The following ADK variants were observed in gnomAD, a reference collection of about 807,000 sequenced individuals.
ADK encodes adenosine kinase.
In ADK, 24 loss-of-function variants were observed where a neutral mutation model predicts 44.7. That is an observed-to-expected ratio of 0.54 (90% CI 0.39 to 0.76). The LOEUF (loss-of-function observed/expected upper bound fraction) is 0.76, where lower values mean the gene tolerates loss of function less well. Ranked by LOEUF, ADK falls within the 30% of genes least tolerant of loss-of-function variation. The probability of loss-of-function intolerance (pLI) is 0.00; values close to 1 mark genes in which losing one functional copy is unlikely to be tolerated. For synonymous variants in ADK, 128 were observed against 142.6 expected (o/e 0.90, Z 0.73); for missense variants, 321 against 425.1 (o/e 0.76, Z 2.15).
intron 4 of ADK, among the ~76,000 whole-genome samples, chr10:74,349,777 A>G (rs995931385): frequency 5.3e-5 from 8 of 152,218 alleles, no homozygotes; most frequent in African/African-American, 1.9e-4. Flanking sequence ...CTAGTCTCTG[A>G]TAAAACAGGC....
intron 4 of ADK, among the ~76,000 whole-genome samples, chr10:74,346,731 C>T (rs1374852990): frequency 6.6e-6 from 1 of 152,078 alleles, no homozygotes; most frequent in African/African-American, 2.4e-5. Context: ...AGTGCCACGA[C>T]AGTTCCATAA....
intron 9 of ADK, among the ~76,000 whole-genome samples, chr10:74,647,902 G>C (rs923798489): frequency 6.6e-6 from 1 of 152,114 alleles, no homozygotes; most frequent in East Asian, 1.9e-4. Context: ...TCATAGGTTT[G>C]TGTATTTAAT....
At chr10:74,349,161 A>G (rs1841875795) in intron 4 of ADK, among the ~76,000 whole-genome samples, 1 of 152,234 alleles carries the variant, frequency 6.6e-6, no homozygotes, top group Non-Finnish European at 1.5e-5. Flanking sequence ...GGGCAGCCAT[A>G]GAGAAAGGTC....
chr10:74,550,493 A>G (rs1391704179), intron 7 of ADK, among the ~76,000 whole-genome samples: 1 of 152,174 alleles, frequency 6.6e-6, no homozygotes, highest in Admixed American at 6.5e-5. Context: ...TTATTACAGT[A>G]GTCTCATAAT....
At chr10:74,440,458 T>C (rs1346777560) in intron 6 of ADK, among the ~76,000 whole-genome samples, 1 of 152,160 alleles carries the variant, frequency 6.6e-6, no homozygotes, top group Non-Finnish European at 1.5e-5. Flanking sequence ...CCTTTTATAC[T>C]TGAAAAGAAC....
intron 3 of ADK, among the ~76,000 whole-genome samples, chr10:74,259,456 CTT>C (rs66533506): frequency 9.5e-4 from 101 of 106,170 alleles, no homozygotes; most frequent in Non-Finnish European, 1.4e-3. Context: ...TTTTCTTTTC[CTT>C]TTTTTTTTTT....
At chr10:74,644,370 G>A (rs1055628355) in intron 9 of ADK, among the ~76,000 whole-genome samples, 40 of 152,286 alleles carry the variant, frequency 2.6e-4, no homozygotes, top group African/African-American at 7.0e-4. Flanking sequence ...CAATGGATAC[G>A]GTGTACAGTG....
At chr10:74,456,523 C>T (rs567034028) in intron 6 of ADK, among the ~76,000 whole-genome samples, 1 of 151,716 alleles carries the variant, frequency 6.6e-6, no homozygotes, top group East Asian at 1.9e-4. Context: ...AAAAATTAGC[C>T]GGGCGTGATG....
chr10:74,296,402 CAT>C (rs1355350537), intron 3 of ADK, among the ~76,000 whole-genome samples: 3 of 152,020 alleles, frequency 2.0e-5, no homozygotes, highest in African/African-American at 4.8e-5. Context: ...GGCAGTAAAA[CAT>C]ATGAAAGGAT....
chr10:74,337,303 A>T (rs1023262699), intron 4 of ADK, among the ~76,000 whole-genome samples: 1 of 152,212 alleles, frequency 6.6e-6, no homozygotes, highest in Non-Finnish European at 1.5e-5. Flanking sequence ...GGACTAACTC[A>T]CCTGAAGTGT....
chr10:74,616,892 TG>T (rs1255708069), intron 9 of ADK, among the ~76,000 whole-genome samples: 2 of 152,140 alleles, frequency 1.3e-5, no homozygotes, highest in Non-Finnish European at 2.9e-5. Context: ...TTTCTCAGGA[TG>T]TTTTTTTCTT....
At chr10:74,440,511 G>T (rs1160697740) in intron 6 of ADK, among the ~76,000 whole-genome samples, 2 of 152,022 alleles carry the variant, frequency 1.3e-5, no homozygotes, top group South Asian at 2.1e-4. Flanking sequence ...AATAAATTAA[G>T]TTAGGCTTTA....
At chr10:74,232,313 G>A (rs927451228) in intron 3 of ADK, among the ~76,000 whole-genome samples, 2 of 152,046 alleles carry the variant, frequency 1.3e-5, no homozygotes, top group African/African-American at 4.8e-5. Flanking sequence ...GAGCTCAGGA[G>A]TTTGAAACCA....
At chr10:74,207,319 C>G (rs1843642750) in intron 2 of ADK, among the ~76,000 whole-genome samples, 2 of 152,170 alleles carry the variant, frequency 1.3e-5, no homozygotes, top group African/African-American at 4.8e-5. Context: ...AGGGCTGCAG[C>G]TCTTCTTTCC....
chr10:74,395,903 CG>C (rs1167219197), intron 5 of ADK, among the ~76,000 whole-genome samples: 1 of 151,898 alleles, frequency 6.6e-6, no homozygotes, highest in Non-Finnish European at 1.5e-5. Flanking sequence ...CCCAGCTACT[CG>C]GGAGACGAAA....
intron 6 of ADK, among the ~76,000 whole-genome samples, chr10:74,464,914 A>T (rs1846299526): frequency 6.6e-6 from 1 of 152,156 alleles, no homozygotes. Flanking sequence ...GCTGCTTTGC[A>T]TGGTTAATTT....
chr10:74,257,299 A>G (rs958193199), intron 3 of ADK, among the ~76,000 whole-genome samples: 1 of 152,156 alleles, frequency 6.6e-6, no homozygotes, highest in Non-Finnish European at 1.5e-5. Context: ...TGTATTTTCA[A>G]TCCACATTTG....
intron 6 of ADK, among the ~76,000 whole-genome samples, chr10:74,504,235 T>C (rs1276760049): frequency 2.0e-5 from 3 of 152,176 alleles, no homozygotes; most frequent in Non-Finnish European, 2.9e-5. Context: ...TTGTTGTTTT[T>C]TTTTTAATAT....
chr10:74,682,575 C>CTTTTT (rs11298231), intron 10 of ADK, among the ~76,000 whole-genome samples: 6 of 133,026 alleles, frequency 4.5e-5, no homozygotes, highest in African/African-American at 5.9e-5. Context: ...CTTTTCTTTT[C>CTTTTT]TTTTTTTTTT....
Sources: allele counts gnomAD v4.1 joint callset (sites outside exome capture counted in the v4.1 genomes callset), GRCh38; gene constraint gnomAD v4.1.1; transcripts MANE v1.5; gene names NCBI Gene and HGNC (gene_info 2026-07-23, HGNC 2026-07-21).